ABCC2: variants seen among roughly 807,000 people sequenced by gnomAD.
ABCC2 encodes the protein ATP binding cassette subfamily C member 2, also known as ATP-binding cassette sub-family C member 2.
In ABCC2, 157 loss-of-function variants were observed where a neutral mutation model predicts 173.4. The observed-to-expected ratio is 0.91, with a 90% CI of 0.80 to 1.03. ABCC2 has a LOEUF of 1.03. ABCC2 is among the 50% of genes least tolerant of loss of function. ABCC2 has a pLI of 0.00. For missense variants in ABCC2, 1,822 were observed against 1,852.3 expected (o/e 0.98, Z 0.30); for synonymous variants, 657 against 693.5 (o/e 0.95, Z 0.83).
Position 99,850,660 on chromosome 10 carries a change from C to G in ABCC2, c.4372C>G (p.Leu1458Val). 1.2e-6 allele frequency: 2 copies of G among 1,614,242 alleles called. No homozygotes were observed. Among genetic ancestry groups the G allele is most frequent in the Non-Finnish European group, 1.7e-6 (2 of 1,180,038 alleles). ...GRALLRKSKI[L>V]VLDEATAAVD... is the part of the protein sequence containing the mutation. The stretch of plus-strand genomic sequence containing the variant: ...GGCTCTGCTTCGGAAATCCAAGATC[C>G]TGGTCCTGGATGAGGCCACTGCTGC... Residue 1458 changes from leucine to valine, a missense_variant, in exon 31 of 32, where the codon CTG becomes GTG. Transcript: ENST00000647814.
At chr10:99,846,913 C>T in intron 29 of ABCC2, 48 bp from the exon 30 acceptor site, 1 of 1,612,126 alleles carries the variant, frequency 6.2e-7, no homozygotes, top group Non-Finnish European at 8.5e-7. Flanking sequence ...ACTCCGAGGT[C>T]CTTTTCTGGC....
chr10:99,784,596 T>G lies in ABCC2; in HGVS notation c.34-12T>G. The G allele has an allele frequency of 6.2e-7, 1 of 1,613,700 alleles. No homozygotes were observed. Among genetic ancestry groups the G allele is most frequent in the Non-Finnish European group, 8.5e-7 (1 of 1,179,946 alleles). ...TGCATGTATGCAACAATCCTTCCCCTTTGGTCTCCAGAATTCCTCATTCCT... is the reference window on the plus strand; with the variant it reads ...TGCATGTATGCAACAATCCTTCCCCGTTGGTCTCCAGAATTCCTCATTCCT... On this transcript the variant is annotated splice_polypyrimidine_tract_variant and intron_variant, in intron 1 of 31. Coordinates refer to ENST00000647814, the MANE Select transcript of ABCC2 (RefSeq NM_000392.5).
Position 99,810,205 on chromosome 10 carries a change from T to C in ABCC2, c.1887T>C (p.His629=). 6.2e-7 allele frequency: 1 copy of C among 1,613,420 alleles called. No homozygotes were observed. The highest frequency in any genetic ancestry group is 8.5e-7 in the Non-Finnish European group (1 of 1,179,414). Residue 629 remains histidine (H), a synonymous_variant, in exon 14 of 32, where the codon CAT becomes CAC. Transcript: ENST00000647814. ...GDDLDTSAIR[H]DCNFDKAMQF... ...ACTTGGACACATCTGCCATTCGACA[T>C]GACTGCAATTTTGGTAAATAAATTT... is the stretch of plus-strand genomic sequence containing the variant.
intron 3 of ABCC2, among the ~76,000 whole-genome samples, chr10:99,792,763 A>G (rs2037830686): frequency 6.6e-6 from 1 of 152,194 alleles, no homozygotes; most frequent in South Asian, 2.1e-4. Flanking sequence ...ATATCAAAAA[A>G]CTAATGTCTC....
At position 99,800,519 on chromosome 10, in the gene ABCC2, G is replaced by T. The variant is rs778867248; in HGVS notation, c.1165G>T (p.Gly389Cys). 1 of 1,614,106 alleles carries T rather than the reference G, an allele frequency of 6.2e-7. No homozygotes were observed. The highest frequency in any genetic ancestry group is 1.7e-5 in the Admixed American group (1 of 60,006). ...TTATTTCCAACTGTGCTTCAAGCTG[G>T]GTGTAAAAGTACGGACAGCTATCAT... is the stretch of plus-strand genomic sequence containing the variant. ...QCYFQLCFKL[G>C]VKVRTAIMAS... The change falls in exon 9 of 32, where the codon GGT (glycine) becomes TGT (cysteine). Residue 389 changes from glycine to cysteine, a missense_variant. By Grantham distance (159) the Gly-to-Cys change is radical. Coordinates refer to ENST00000647814, the MANE Select transcript of ABCC2 (RefSeq NM_000392.5).
chr10:99,836,166 A>C lies in ABCC2; in HGVS notation c.3490A>C (p.Ser1164Arg), dbSNP rs374452437. 3 of 1,614,190 alleles carry C rather than the reference A, an allele frequency of 1.9e-6. No homozygotes were observed. In the Admixed American group the frequency reaches 5.0e-5, roughly 27 times the overall value. ...VTRSPIYSHF[S>R]ETVSGLPVIR... Reference sequence around the variant, plus strand: ...CAGGTCCCCAATCTACTCTCACTTCAGCGAGACCGTATCAGGTTTGCCAGT... The same window carrying C: ...CAGGTCCCCAATCTACTCTCACTTCCGCGAGACCGTATCAGGTTTGCCAGT... Residue 1164 changes from serine (S) to arginine (R), a missense_variant, in exon 25 of 32, where the codon AGC becomes CGC. Transcript: ENST00000647814.
chr10:99,786,871 C>T (rs1160321100), intron 2 of ABCC2, among the ~76,000 whole-genome samples: 3 of 152,176 alleles, frequency 2.0e-5, no homozygotes, highest in Non-Finnish European at 2.9e-5. Flanking sequence ...GGCATGGTGG[C>T]GGACGCCTGT....
chr10:99,844,715 AG>A (rs1193143212), intron 28 of ABCC2, among the ~76,000 whole-genome samples: 2 of 152,218 alleles, frequency 1.3e-5, no homozygotes, highest in Non-Finnish European at 2.9e-5. Context: ...CCAGCTGACC[AG>A]GGCCCCTTTC....
At chr10:99,798,819 G>T (rs186283438) in intron 7 of ABCC2, among the ~76,000 whole-genome samples, 1 of 152,052 alleles carries the variant, frequency 6.6e-6, no homozygotes, top group East Asian at 1.9e-4. Context: ...TTGGGGGTGG[G>T]GATACAATTC....
chr10:99,805,551 C>A, intron 11 of ABCC2, 104 bp downstream of exon 11: 2 of 1,178,692 alleles, frequency 1.7e-6, no homozygotes, highest in Non-Finnish European at 2.5e-6. Context: ...TGCTTCTGGG[C>A]CGGTTGTGTC....
At chr10:99,825,638 T>A (rs1366261590) in intron 19 of ABCC2, among the ~76,000 whole-genome samples, 1 of 152,256 alleles carries the variant, frequency 6.6e-6, no homozygotes, top group African/African-American at 2.4e-5. Context: ...CAACTGAATT[T>A]CGCCTTTATA....
chr10:99,844,698 C>T (rs1174066688), intron 28 of ABCC2, among the ~76,000 whole-genome samples: 1 of 152,214 alleles, frequency 6.6e-6, no homozygotes, highest in Admixed American at 6.5e-5. Flanking sequence ...TCCTCCCTGC[C>T]TCCTAGCCAG....
intron 6 of ABCC2, among the ~76,000 whole-genome samples, chr10:99,795,645 G>A (rs971494458): frequency 2.0e-5 from 3 of 151,662 alleles, no homozygotes; most frequent in African/African-American, 7.3e-5. Flanking sequence ...GTTGCTGTGA[G>A]CCAAGATCGC....
intron 9 of ABCC2, among the ~76,000 whole-genome samples, chr10:99,801,525 C>T (rs1023371959): frequency 1.3e-5 from 2 of 152,196 alleles, no homozygotes; most frequent in African/African-American, 2.4e-5. Context: ...CATGAGCCAA[C>T]GCGCCTGGCC....
chr10:99,828,897 A>G (rs1333271573), intron 19 of ABCC2, among the ~76,000 whole-genome samples: 2 of 151,462 alleles, frequency 1.3e-5, no homozygotes, highest in Admixed American at 6.6e-5. Flanking sequence ...GCCCTCTTCC[A>G]TCTTTCCTGG....
chr10:99,803,565 A>G (rs868552040), intron 9 of ABCC2, among the ~76,000 whole-genome samples: 6 of 152,292 alleles, frequency 3.9e-5, no homozygotes, highest in Middle Eastern at 3.4e-3. Flanking sequence ...AAATAGACAG[A>G]TGTTGCCCTC....
rs376601033 is a variant in ABCC2 at position 99,782,807 on chromosome 10, A to G, written c.-38A>G. 68 of 1,609,606 alleles carry G rather than the reference A, an allele frequency of 4.2e-5. No individual in the cohort carries two copies. The highest frequency in any genetic ancestry group is 5.5e-5 in the Non-Finnish European group (65 of 1,175,972). ...AAAGAAGAAACAACACAATCATATTAATAGAAGAGTCTTCGTTCCAGACGC... is the reference window on the plus strand; with the variant it reads ...AAAGAAGAAACAACACAATCATATTGATAGAAGAGTCTTCGTTCCAGACGC... On this transcript the variant is annotated 5_prime_UTR_variant, in exon 1 of 32. It removes the in-frame stop codon of an upstream open reading frame in the 5' UTR. Transcript: ENST00000647814.
intron 10 of ABCC2, 66 bp downstream of exon 10, chr10:99,804,339 A>G: frequency 6.2e-7 from 1 of 1,603,464 alleles, no homozygotes; most frequent in East Asian, 2.2e-5. Flanking sequence ...TTCTTACTCT[A>G]CTCTAATTCT....
chr10:99,789,455 C>T (rs1452626444), intron 2 of ABCC2: 1 of 152,322 alleles, frequency 6.6e-6, no homozygotes, highest in East Asian at 1.9e-4. Flanking sequence ...TGGCTCACGT[C>T]TGTAATCCCA....
Sources: allele counts gnomAD v4.1 joint callset (sites outside exome capture counted in the v4.1 genomes callset), GRCh38; gene constraint gnomAD v4.1.1; transcripts MANE v1.5; gene names NCBI Gene and HGNC (gene_info 2026-07-23, HGNC 2026-07-21).